NCOA2: variants seen among roughly 807,000 people sequenced by gnomAD.
The protein encoded by NCOA2 is class E basic helix-loop-helix protein 75.
Under a neutral mutation model 145.1 loss-of-function variants are expected in NCOA2, and 21 were observed. The ratio of observed to expected loss-of-function variants is 0.14; its 90% CI spans 0.10 to 0.21. NCOA2 has a LOEUF of 0.21. NCOA2 is among the 10% of genes least tolerant of loss of function. The probability of loss-of-function intolerance (pLI) is 1.00; values close to 1 mark genes in which losing one functional copy is unlikely to be tolerated. For synonymous variants in NCOA2, 619 were observed against 637.5 expected, an observed-to-expected ratio of 0.97 and a Z score of 0.44; for missense variants, 1,472 against 1,837.6, an observed-to-expected ratio of 0.80 and a Z score of 3.64.
chr8:70,222,837 T>C (rs1465504201), intron 2 of NCOA2, among the ~76,000 whole-genome samples: 1 of 152,164 alleles, frequency 6.6e-6, no homozygotes, highest in Admixed American at 6.5e-5. Context: ...CCAGAATACA[T>C]AAGTAGCAGG....
At chr8:70,292,453 A>G (rs1826768304) in intron 2 of NCOA2, among the ~76,000 whole-genome samples, 2 of 151,170 alleles carry the variant, frequency 1.3e-5, no homozygotes, top group African/African-American at 2.4e-5. Context: ...CCCAGCCCTG[A>G]GGCAGGAGAA....
At chr8:70,178,733 A>T (rs551114224) in intron 4 of NCOA2, among the ~76,000 whole-genome samples, 65 of 152,360 alleles carry the variant, frequency 4.3e-4, no homozygotes, top group Middle Eastern at 3.4e-3. Flanking sequence ...GACATAGCTG[A>T]AAGTATTTCA....
At chr8:70,389,918 G>A (rs550297702) in intron 1 of NCOA2, among the ~76,000 whole-genome samples, 3 of 147,242 alleles carry the variant, frequency 2.0e-5, no homozygotes, top group South Asian at 2.2e-4. Context: ...TGCCCACCTC[G>A]GCCTCCCAAA....
chr8:70,293,961 TC>T (rs1234533508), intron 2 of NCOA2, among the ~76,000 whole-genome samples: 121 of 152,246 alleles, frequency 7.9e-4, no homozygotes, highest in African/African-American at 2.8e-3. Flanking sequence ...TTTTGGAAAG[TC>T]TAAGGAAGTA....
rs1442792840 is a variant in NCOA2 at position 70,241,271 on chromosome 8, T to A, written c.-19-24507A>T. ...AAATATGCAACACACTTCTTTCAGATCCCAGAACTACAAAGCTTCTCCCCA... is the reference window on the plus strand; with the variant it reads ...AAATATGCAACACACTTCTTTCAGAACCCAGAACTACAAAGCTTCTCCCCA... On this transcript the variant is annotated intron_variant, in intron 2 of 22. Transcript: ENST00000452400. 2.0e-5 allele frequency among the ~76,000 whole-genome samples: 3 copies of A among 152,132 alleles called. No homozygotes were observed. In the East Asian group the frequency reaches 5.8e-4, roughly 29 times the overall value.
At chr8:70,285,153 T>C (rs1465526228) in intron 2 of NCOA2, among the ~76,000 whole-genome samples, 1 of 152,230 alleles carries the variant, frequency 6.6e-6, no homozygotes, top group Non-Finnish European at 1.5e-5. Flanking sequence ...AACCATGTTT[T>C]ATACTTCTTC....
At chr8:70,209,793 T>C (rs1433045063) in intron 4 of NCOA2, among the ~76,000 whole-genome samples, 1 of 152,270 alleles carries the variant, frequency 6.6e-6, no homozygotes, top group African/African-American at 2.4e-5. Context: ...ATAACTTTTA[T>C]ACACCCTGGA....
intron 1 of NCOA2, among the ~76,000 whole-genome samples, chr8:70,354,367 C>T (rs1218549941): frequency 5.3e-5 from 8 of 152,152 alleles, no homozygotes; most frequent in Admixed American, 5.2e-4. Context: ...AAAATTCATA[C>T]TCAACTACAA....
At chr8:70,268,278 A>G (rs914429815) in intron 2 of NCOA2, among the ~76,000 whole-genome samples, 1 of 152,224 alleles carries the variant, frequency 6.6e-6, no homozygotes, top group Non-Finnish European at 1.5e-5. Context: ...CAGCTACTTG[A>G]GAAGTCCACT....
chr8:70,342,433 T>A (rs547107966), intron 1 of NCOA2, among the ~76,000 whole-genome samples: 1 of 152,246 alleles, frequency 6.6e-6, no homozygotes, highest in East Asian at 1.9e-4. Context: ...ATTTAAAACA[T>A]AAAAATATTG....
intron 5 of NCOA2, among the ~76,000 whole-genome samples, chr8:70,173,086 A>G (rs1814434335): frequency 6.6e-6 from 1 of 152,226 alleles, no homozygotes; most frequent in Non-Finnish European, 1.5e-5. Flanking sequence ...AACACATTTA[A>G]CACTCAAGTC....
chr8:70,404,472 C>T (rs541964506), upstream of NCOA2, among the ~76,000 whole-genome samples: 2 of 152,292 alleles, frequency 1.3e-5, no homozygotes, highest in South Asian at 4.1e-4. Context: ...GCACCTCACC[C>T]TACCCAACTC....
intron 2 of NCOA2, among the ~76,000 whole-genome samples, chr8:70,270,363 T>C (rs1365043861): frequency 6.6e-6 from 1 of 152,152 alleles, no homozygotes; most frequent in Non-Finnish European, 1.5e-5. Context: ...AACTTTAAAG[T>C]GTAGTCCTTC....
intron 1 of NCOA2, among the ~76,000 whole-genome samples, chr8:70,356,282 C>T (rs1380774974): frequency 1.3e-5 from 2 of 152,010 alleles, no homozygotes; most frequent in African/African-American, 4.8e-5. Flanking sequence ...CATAGTAAGA[C>T]CCAATGTCTG....
intron 13 of NCOA2, 65 bp from the exon 14 acceptor site, chr8:70,141,464 A>G: frequency 7.3e-7 from 1 of 1,373,652 alleles, no homozygotes; most frequent in Non-Finnish European, 1.0e-6. Flanking sequence ...ATGTATGAAC[A>G]CCAGATGATC....
the NCOA2 span, among the ~76,000 whole-genome samples, chr8:70,426,993 C>G: frequency 6.6e-6 from 1 of 152,144 alleles, no homozygotes; most frequent in Non-Finnish European, 1.5e-5. Context: ...CTATGTTGCA[C>G]AGTCTGGTTT....
chr8:70,415,564 A>G, the NCOA2 span, among the ~76,000 whole-genome samples: 4 of 152,338 alleles, frequency 2.6e-5, no homozygotes, highest in African/African-American at 7.2e-5. Context: ...TACAGCAATC[A>G]AAGTTAAAAT....
At chr8:70,387,562 C>T (rs563375453) in intron 1 of NCOA2, among the ~76,000 whole-genome samples, 6 of 152,276 alleles carry the variant, frequency 3.9e-5, no homozygotes, top group African/African-American at 1.2e-4. Context: ...GCTCCCAACA[C>T]GACTGCAATC....
intron 1 of NCOA2, among the ~76,000 whole-genome samples, chr8:70,346,499 A>G (rs1004361097): frequency 1.3e-5 from 2 of 152,228 alleles, no homozygotes; most frequent in Non-Finnish European, 2.9e-5. Context: ...ATCAATCTGA[A>G]CTTGAGTTGC....
Sources: allele counts gnomAD v4.1 joint callset (sites outside exome capture counted in the v4.1 genomes callset), GRCh38; gene constraint gnomAD v4.1.1; transcripts MANE v1.5; gene names NCBI Gene and HGNC (gene_info 2026-07-23, HGNC 2026-07-21).